Variants in EXPH5 observed in about 807,000 individuals in gnomAD.
EXPH5 encodes exophilin 5.
A neutral mutation model predicts 41.1 loss-of-function variants in EXPH5; 42 were observed. The ratio of observed to expected loss-of-function variants is 1.02; its 90% confidence interval spans 0.80 to 1.32. The LOEUF (loss-of-function observed/expected upper bound fraction) is 1.32. Among genes scored for constraint, EXPH5 ranks in the 40% most tolerant of loss-of-function variants. The pLI, the probability that EXPH5 is intolerant of heterozygous loss-of-function variation, is 0.00. For synonymous variants in EXPH5, 798 were observed against 833.5 expected, an observed-to-expected ratio of 0.96 and a Z score of 0.73; for missense variants, 2,298 against 2,314.5, an observed-to-expected ratio of 0.99 and a Z score of 0.15.
chr11:108,585,407 G>T (rs1591761084), intron 1 of EXPH5, among the ~76,000 whole-genome samples: 1 of 152,250 alleles, frequency 6.6e-6, no homozygotes, highest in Middle Eastern at 3.4e-3. Context: ...CCTCATGAAT[G>T]GATCAGTGCC....
At chr11:108,532,316 T>A (rs1415076452) in intron 3 of EXPH5, among the ~76,000 whole-genome samples, 2 of 123,916 alleles carry the variant, frequency 1.6e-5, no homozygotes, top group African/African-American at 6.3e-5. Context: ...TAGCTAGGAC[T>A]ACTGGTGTGC....
At position 108,511,550 on chromosome 11, in the gene EXPH5, G is replaced by A. The variant is rs1339250241; in HGVS notation, c.3957C>T (p.Asn1319=). Residue 1319 remains asparagine, a synonymous_variant, in exon 6 of 6, where the codon AAC becomes AAT. Coordinates refer to ENST00000265843, the MANE Select transcript of EXPH5 (RefSeq NM_015065.3). Reference sequence around the variant, plus strand: ...TTTCAGTGGTGAGCGTCTGATCAGAGTTGACGGACATCTTTAGATTTTCAC... The same window carrying A: ...TTTCAGTGGTGAGCGTCTGATCAGAATTGACGGACATCTTTAGATTTTCAC... The part of the protein sequence containing the change: ...PSCENLKMSV[N]SDQTLTTENM... 6.2e-7 allele frequency: 1 copy of A among 1,612,986 alleles called. No individual in the cohort carries two copies. The highest frequency in any genetic ancestry group is 8.5e-7 in the Non-Finnish European group (1 of 1,179,692).
At chr11:108,519,501 C>T (rs541906850) in intron 4 of EXPH5, among the ~76,000 whole-genome samples, 1 of 152,252 alleles carries the variant, frequency 6.6e-6, no homozygotes, top group South Asian at 2.1e-4. Flanking sequence ...AATCCCCGCA[C>T]TTTGAGAGGC....
intron 1 of EXPH5, among the ~76,000 whole-genome samples, chr11:108,542,170 T>C (rs2093916555): frequency 6.6e-6 from 1 of 152,072 alleles, no homozygotes. Flanking sequence ...GTGAGCCACC[T>C]GGCCCAGCCT....
rs774885489 is a variant in EXPH5, at chr11:108,545,912, AC to A, written c.120-4101del. 2.8e-4 allele frequency among the ~76,000 whole-genome samples: 39 copies of A among 138,810 alleles called. No individual in the cohort carries two copies. The East Asian group carries it at 4.6e-3, about 16-fold the overall frequency. 91.1% of individuals were successfully genotyped at this position (138,810 alleles called of 152,430 possible). On this transcript the variant is annotated intron_variant, in intron 1 of 5. Coordinates refer to ENST00000265843, the MANE Select transcript of EXPH5 (RefSeq NM_015065.3). Reference sequence around the variant, plus strand: ...AGTGAGATTTTGTCTAAAAAAAAAAACAACAGTAAATAGCTGCTAAGAGAGC... The same window carrying A: ...AGTGAGATTTTGTCTAAAAAAAAAAAAACAGTAAATAGCTGCTAAGAGAGC...
Position 108,512,584 on chromosome 11 carries a change from T to G in EXPH5, c.2923A>C (p.Lys975Gln). ...SPFRNERGKG[K>Q]IRHHISCIEK... ...ATACAGGATATATGATGCCTTATTT[T>G]TCCTTTTCCTCTTTCATTCCTAAAA... The change falls in exon 6 of 6, where the codon AAA (lysine) becomes CAA (glutamine). Residue 975 changes from lysine to glutamine, a missense_variant. Lys to Gln is a moderately conservative substitution (Grantham distance 53). Transcript: ENST00000265843. 2.5e-6 allele frequency: 4 copies of G among 1,612,354 alleles called. No homozygotes were observed. Among genetic ancestry groups the G allele is most frequent in the Non-Finnish European group, 3.4e-6 (4 of 1,179,642 alleles).
the EXPH5 span, among the ~76,000 whole-genome samples, chr11:108,603,265 A>G: frequency 6.6e-6 from 1 of 152,248 alleles, no homozygotes; most frequent in African/African-American, 2.4e-5. Flanking sequence ...ATTGCTGAAC[A>G]TATTTTGGAG....
intron 3 of EXPH5, among the ~76,000 whole-genome samples, chr11:108,531,816 C>A (rs145014775): frequency 2.4e-4 from 37 of 152,328 alleles, no homozygotes; most frequent in Middle Eastern, 3.4e-3. Flanking sequence ...CCTTCCCTCG[C>A]AGTCCTTCCT....
intron 1 of EXPH5, among the ~76,000 whole-genome samples, chr11:108,569,662 C>A (rs17108266): frequency 2.6e-5 from 4 of 152,200 alleles, no homozygotes; most frequent in African/African-American, 9.7e-5. Flanking sequence ...TTTAAACCCA[C>A]CTCCTTCACG....
rs761255724 is a variant in EXPH5 at position 108,513,978 on chromosome 11, A to T, written c.1529T>A (p.Ile510Asn). The change falls in exon 6 of 6, where the codon ATT becomes AAT. Residue 510 changes from isoleucine (I) to asparagine (N), a missense_variant. Transcript: ENST00000265843. ...FSSSDRDFEM[I>N]SMEANSVSAI... is the part of the protein sequence containing the mutation. The stretch of plus-strand genomic sequence containing the variant: ...TGATACACTATTTGCTTCCATGGAA[A>T]TCATTTCAAAGTCTCTGTCAGAAGA... 1 of 1,610,542 alleles carries T rather than the reference A, an allele frequency of 6.2e-7. No homozygotes were observed. Among genetic ancestry groups the T allele is most frequent in the South Asian group, 1.1e-5 (1 of 90,270 alleles).
intron 1 of EXPH5, among the ~76,000 whole-genome samples, chr11:108,583,860 A>G (rs2094105861): frequency 6.6e-6 from 1 of 152,088 alleles, no homozygotes; most frequent in African/African-American, 2.4e-5. Flanking sequence ...TTGGAAAGGA[A>G]AAAATAAAAC....
In EXPH5 at chr11:108,510,705, G is replaced by A. The variant is rs2093673530; in HGVS notation, c.4802C>T (p.Ala1601Val). Residue 1601 changes from alanine to valine, a missense_variant, in exon 6 of 6, where the codon GCC becomes GTC. Physicochemically the swap from Ala to Val is moderately conservative, Grantham distance 64. Coordinates refer to ENST00000265843, the MANE Select transcript of EXPH5 (RefSeq NM_015065.3). ...VKHRLAAMSKASRKFPAKDVS... is the reference protein window; with the variant it reads ...VKHRLAAMSKVSRKFPAKDVS... ...ATCTTTAGCTGGGAATTTTCTGCTG[G>A]CTTTAGACATGGCTGCCAATCTGTG... 6.2e-7 allele frequency: 1 copy of A among 1,614,134 alleles called. No homozygotes were observed. The highest frequency in any genetic ancestry group is 2.2e-5 in the East Asian group (1 of 44,886).
rs1410524206 is a variant in EXPH5, at chr11:108,586,513, CT to C, written c.119+6904del. On this transcript the variant is annotated intron_variant, in intron 1 of 5. Coordinates refer to ENST00000265843, the MANE Select transcript of EXPH5 (RefSeq NM_015065.3). ...CCATCCCCTTTCCTCCCTCCCCATC[CT>C]CTTTCCTCCCTCCCCCATCCCCTTT... 2.8e-3 allele frequency among the ~76,000 whole-genome samples: 14 copies of C among 5,002 alleles called. No individual in the cohort carries two copies. The East Asian group carries it at 0.043, about 15-fold the overall frequency. 3.3% of individuals were successfully genotyped at this position (5,002 alleles called of 152,430 possible). A position where few individuals can be genotyped will look rare whatever the true frequency, so the allele number is the denominator to read the frequency against.
intron 1 of EXPH5, among the ~76,000 whole-genome samples, chr11:108,547,391 C>A (rs1045311096): frequency 3.3e-5 from 5 of 151,892 alleles, no homozygotes; most frequent in African/African-American, 4.8e-5. Flanking sequence ...ATGGAGATCT[C>A]TACAAAAGTA....
chr11:108,556,984 C>T (rs923457411), intron 1 of EXPH5, among the ~76,000 whole-genome samples: 1 of 152,116 alleles, frequency 6.6e-6, no homozygotes, highest in East Asian at 1.9e-4. Context: ...TTCTTTTTTC[C>T]CTCTTAACAG....
chr11:108,587,099 G>T (rs2094115497), intron 1 of EXPH5, among the ~76,000 whole-genome samples: 1 of 143,576 alleles, frequency 7.0e-6, no homozygotes, highest in Middle Eastern at 3.6e-3. Flanking sequence ...GTGCTAAACA[G>T]GAAGGAAAGC....
rs939209977 is a variant in EXPH5, at chr11:108,507,021, C to T, written c.*2516G>A. 2.6e-5 allele frequency: 4 copies of T among 151,782 alleles called. No individual in the cohort carries two copies. The highest frequency in any genetic ancestry group is 9.7e-5 in the African/African-American group (4 of 41,284). The allele number at this position is 151,782 out of a possible 1,614,324, so 9.4% of individuals were successfully genotyped here. On this transcript the variant is annotated 3_prime_UTR_variant, in exon 6 of 6. Coordinates refer to ENST00000265843, the MANE Select transcript of EXPH5 (RefSeq NM_015065.3). The stretch of plus-strand genomic sequence containing the variant: ...AAATAATAATAATAATAATAATAAT[C>T]AGATAAATAGAAAAAGAGGAAAGGC...
chr11:108,518,020 G>C (rs548164247), intron 5 of EXPH5, among the ~76,000 whole-genome samples: 1 of 152,042 alleles, frequency 6.6e-6, no homozygotes, highest in Non-Finnish European at 1.5e-5. Context: ...ATCAGTCCAT[G>C]ATTCAAGAAT....
At chr11:108,546,889 G>A (rs1200814170) in intron 1 of EXPH5, among the ~76,000 whole-genome samples, 4 of 150,356 alleles carry the variant, frequency 2.7e-5, no homozygotes, top group East Asian at 2.0e-4. Flanking sequence ...TGCAACCTCC[G>A]TCTCCCAGGT....
Sources: gnomAD v4.1 joint callset for allele counts (sites outside exome capture counted in the v4.1 genomes callset) on GRCh38, gnomAD v4.1.1 for gene constraint, MANE v1.5 for transcripts, NCBI Gene and HGNC (gene_info 2026-07-23, HGNC 2026-07-21) for gene names.